The following FRMD4A variants were observed in gnomAD, a reference collection of about 807,000 sequenced individuals.
FRMD4A encodes the protein FERM domain-containing protein 4A.
A neutral mutation model predicts 129.1 loss-of-function variants in FRMD4A; 29 were observed. That is an observed-to-expected ratio of 0.22 (90% confidence interval 0.17 to 0.31). The LOEUF (loss-of-function observed/expected upper bound fraction) is 0.31. FRMD4A is among the 10% of genes least tolerant of loss of function. The probability of loss-of-function intolerance (pLI) is 1.00; values close to 1 mark genes in which losing one functional copy is unlikely to be tolerated. For missense variants in FRMD4A, 1,272 were observed against 1,375.8 expected (o/e 0.92, Z 1.19); for synonymous variants, 634 against 571.6 (o/e 1.11, Z -1.56).
intron 2 of FRMD4A, among the ~76,000 whole-genome samples, chr10:14,136,899 T>G (rs535316548): frequency 1.3e-5 from 2 of 152,232 alleles, no homozygotes; most frequent in African/African-American, 4.8e-5. Flanking sequence ...TCTCAAATAC[T>G]TTTGATTTCA....
Position 14,158,536 on chromosome 10 carries a change from C to A in FRMD4A, c.45+171522G>T, listed in dbSNP as rs536723376. ...CTGAGGCAGGAGGATCGCTTGAGCC[C>A]AGGAGTTAGAGGCTACAGAGAGCAA... On this transcript the variant is annotated intron_variant, in intron 2 of 24. Coordinates refer to ENST00000357447, the MANE Select transcript of FRMD4A (RefSeq NM_018027.5). 5.3e-5 allele frequency among the ~76,000 whole-genome samples: 8 copies of A among 152,028 alleles called. No individual in the cohort carries two copies. The East Asian group carries it at 1.5e-3, about 29-fold the overall frequency.
At position 13,822,860 on chromosome 10, in the gene FRMD4A, C is replaced by T. The variant is rs189959449; in HGVS notation, c.112-11952G>A. On this transcript the variant is annotated intron_variant, in intron 3 of 24. Coordinates refer to ENST00000357447, the MANE Select transcript of FRMD4A (RefSeq NM_018027.5). ...CCCCAAACCAACAAAGTCACAGCTCCCTTTAATAGCTCCTTCTCTCTCCCC... is the reference window on the plus strand; with the variant it reads ...CCCCAAACCAACAAAGTCACAGCTCTCTTTAATAGCTCCTTCTCTCTCCCC... Among the ~76,000 whole-genome samples the T allele has an allele frequency of 1.1e-3, 163 of 152,246 alleles. 2 individuals are homozygous for T. Among genetic ancestry groups the T allele is most frequent in the African/African-American group, 3.7e-3 (154 of 41,546 alleles).
chr10:14,092,745 G>T (rs1464421825), intron 2 of FRMD4A, among the ~76,000 whole-genome samples: 2 of 152,220 alleles, frequency 1.3e-5, no homozygotes, highest in African/African-American at 4.8e-5. Flanking sequence ...GCTGGCACTC[G>T]AGGAGGGAGT....
chr10:13,793,093 C>G (rs932663270), intron 5 of FRMD4A, among the ~76,000 whole-genome samples: 1 of 152,040 alleles, frequency 6.6e-6, no homozygotes, highest in Non-Finnish European at 1.5e-5. Flanking sequence ...CTCAGCCATG[C>G]AGTGTTAGTA....
chr10:14,175,270 C>A (rs1435927998), intron 2 of FRMD4A, among the ~76,000 whole-genome samples: 1 of 152,168 alleles, frequency 6.6e-6, no homozygotes, highest in South Asian at 2.1e-4. Flanking sequence ...ATGCCCCTGT[C>A]CCTTGCCCTT....
intron 19 of FRMD4A, among the ~76,000 whole-genome samples, chr10:13,660,857 G>T (rs2082586904): frequency 6.6e-6 from 1 of 152,182 alleles, no homozygotes; most frequent in Admixed American, 6.5e-5. Context: ...ACAAATGACT[G>T]CTTCACACTA....
At chr10:14,296,162 T>G (rs1443146905) in intron 2 of FRMD4A, among the ~76,000 whole-genome samples, 1 of 152,142 alleles carries the variant, frequency 6.6e-6, no homozygotes, top group Non-Finnish European at 1.5e-5. Flanking sequence ...CTGGGTGATG[T>G]GTGCAAAATT....
chr10:13,747,908 A>T (rs538011300), intron 8 of FRMD4A, 89 bp from the exon 9 acceptor site: 1 of 771,550 alleles, frequency 1.3e-6, no homozygotes, highest in East Asian at 2.5e-5. Context: ...CTTGTCTGAG[A>T]GACCCCACAT....
chr10:13,862,983 C>G (rs2131052084), intron 2 of FRMD4A, among the ~76,000 whole-genome samples: 1 of 148,794 alleles, frequency 6.7e-6, no homozygotes, highest in African/African-American at 2.5e-5. Flanking sequence ...GCTGTTCAGA[C>G]ACTACGGGAG....
intron 2 of FRMD4A, among the ~76,000 whole-genome samples, chr10:14,315,177 A>G (rs969796032): frequency 6.6e-6 from 1 of 151,072 alleles, no homozygotes; most frequent in Non-Finnish European, 1.5e-5. Context: ...TTCTCTGTCT[A>G]TTCTCCCCAG....
chr10:14,213,794 G>C (rs904482370), intron 2 of FRMD4A, among the ~76,000 whole-genome samples: 2 of 152,214 alleles, frequency 1.3e-5, no homozygotes, highest in Non-Finnish European at 2.9e-5. Flanking sequence ...TTGCGGGAGG[G>C]ACCTGATGGG....
At position 14,319,367 on chromosome 10, in the gene FRMD4A, T is replaced by TCTCTCTCTCTCTCTCTCTCTCACA. The variant is rs112041665; in HGVS notation, c.45+10690_45+10691insTGTGAGAGAGAGAGAGAGAGAGAG. On this transcript the variant is annotated intron_variant, in intron 2 of 24. Coordinates refer to ENST00000357447, the MANE Select transcript of FRMD4A (RefSeq NM_018027.5). ...TCTCTCTCCTCTCTCTCTCTCTCTC[T>TCTCTCTCTCTCTCTCTCTCTCACA]CACACACACACACACACACATGATA... Among the ~76,000 whole-genome samples, 206 of 145,138 alleles carry TCTCTCTCTCTCTCTCTCTCTCACA rather than the reference T, an allele frequency of 1.4e-3. 1 individual carries two copies. The highest frequency in any genetic ancestry group is 4.7e-3 in the African/African-American group (176 of 37,158).
chr10:14,089,214 T>C (rs1485586977), intron 2 of FRMD4A, among the ~76,000 whole-genome samples: 1 of 152,198 alleles, frequency 6.6e-6, no homozygotes, highest in Non-Finnish European at 1.5e-5. Context: ...GTACCTGTTT[T>C]CCCACAGGCC....
intron 2 of FRMD4A, among the ~76,000 whole-genome samples, chr10:13,916,844 C>T (rs1297174362): frequency 6.6e-6 from 1 of 152,124 alleles, no homozygotes; most frequent in East Asian, 1.9e-4. Flanking sequence ...GAAAAACATT[C>T]TACTCATTTC....
At chr10:13,653,867 C>T (rs934626282) in intron 23 of FRMD4A, 3 of 159,390 alleles carry the variant, frequency 1.9e-5, no homozygotes, top group Non-Finnish European at 4.1e-5. Flanking sequence ...AGCTGCCTTT[C>T]GGTTTCATTA....
rs1554809203 is a variant in FRMD4A, at chr10:14,319,367, T to TCA, written c.45+10689_45+10690dup. Among the ~76,000 whole-genome samples the TCA allele has an allele frequency of 1.2e-3, 176 of 145,134 alleles. 3 individuals carry two copies. Among genetic ancestry groups the TCA allele is most frequent in the African/African-American group, 3.7e-3 (137 of 37,156 alleles). On this transcript the variant is annotated intron_variant, in intron 2 of 24. Transcript: ENST00000357447. ...TCTCTCTCCTCTCTCTCTCTCTCTC[T>TCA]CACACACACACACACACACATGATA...
At chr10:14,172,787 G>T (rs1564361803) in intron 2 of FRMD4A, among the ~76,000 whole-genome samples, 1 of 152,192 alleles carries the variant, frequency 6.6e-6, no homozygotes, top group East Asian at 1.9e-4. Flanking sequence ...CCAGCTACAT[G>T]CCCAGTGAGA....
At chr10:14,087,955 T>A (rs1055780824) in intron 2 of FRMD4A, among the ~76,000 whole-genome samples, 2 of 152,182 alleles carry the variant, frequency 1.3e-5, no homozygotes, top group African/African-American at 4.8e-5. Flanking sequence ...CAAATTATTA[T>A]CGGGGGTTGT....
intron 2 of FRMD4A, among the ~76,000 whole-genome samples, chr10:13,934,350 C>T (rs2095230696): frequency 6.6e-6 from 1 of 152,222 alleles, no homozygotes; most frequent in African/African-American, 2.4e-5. Context: ...AAAGTCTGAA[C>T]TCTTTTCCTC....
Sources: allele counts gnomAD v4.1 joint callset (sites outside exome capture counted in the v4.1 genomes callset), GRCh38; gene constraint gnomAD v4.1.1; transcripts MANE v1.5; gene names NCBI Gene and HGNC (gene_info 2026-07-23, HGNC 2026-07-21).